Variants in FOXK1 observed in about 807,000 individuals in gnomAD.
FOXK1 encodes the protein forkhead box protein K1.
FOXK1 carries 19 observed loss-of-function variants against 51.9 expected under a neutral mutation model. That is an observed-to-expected ratio of 0.37 (90% CI 0.26 to 0.54). FOXK1 has a LOEUF of 0.54. FOXK1 is among the 20% of genes least tolerant of loss of function. FOXK1 has a pLI of 0.87. For synonymous variants in FOXK1, 537 were observed against 482.6 expected, an observed-to-expected ratio of 1.11 and a Z score of -1.48; for missense variants, 870 against 1,032.7, an observed-to-expected ratio of 0.84 and a Z score of 2.16.
intron 3 of FOXK1, 69 bp downstream of exon 3, chr7:4,754,684 C>T (rs1472476113): frequency 1.3e-5 from 20 of 1,526,288 alleles, no homozygotes; most frequent in East Asian, 2.4e-5. Context: ...CCGGCGCGGG[C>T]GGCACAGACA....
intron 7 of FOXK1, among the ~76,000 whole-genome samples, chr7:4,760,349 G>A (rs975856865): frequency 6.6e-6 from 1 of 152,172 alleles, no homozygotes; most frequent in African/African-American, 2.4e-5. Flanking sequence ...CTCCTCTCCG[G>A]AACGCCTGCA....
rs750705800 is a variant in FOXK1, at chr7:4,740,961, C to G, written c.684C>G (p.His228Gln). 1.3e-6 allele frequency: 2 copies of G among 1,567,420 alleles called. No individual in the cohort carries two copies. The highest frequency in any genetic ancestry group is 1.7e-6 in the Non-Finnish European group (2 of 1,160,914). Reference sequence around the variant, plus strand: ...CCCAGATCTCCCCTCTGAAGATCCACATCCCGGAGCCGGACCTCCGGAGCA... The same window carrying G: ...CCCAGATCTCCCCTCTGAAGATCCAGATCCCGGAGCCGGACCTCCGGAGCA... The part of the protein sequence containing the change: ...LYPQISPLKI[H>Q]IPEPDLRSMV... Residue 228 changes from histidine to glutamine, a missense_variant, in exon 2 of 9, where the codon CAC (histidine) becomes CAG (glutamine). Around this residue, in one of 3 missense-constraint regions of FOXK1, gnomAD observed 399 missense variants for 475.6 expected, o/e 0.84. Transcript: ENST00000328914.
intron 2 of FOXK1, among the ~76,000 whole-genome samples, chr7:4,752,467 C>T (rs76829239): frequency 0.014 from 2,110 of 152,356 alleles, 46 homozygotes; most frequent in African/African-American, 0.049. Flanking sequence ...CTATGATCTT[C>T]TGCAAAATAA....
intron 1 of FOXK1, among the ~76,000 whole-genome samples, chr7:4,738,244 C>T (rs554691786): frequency 1.2e-3 from 178 of 151,760 alleles, no homozygotes; most frequent in Non-Finnish European, 2.3e-3. Flanking sequence ...TGAGACCAGC[C>T]TGGCCAACAT....
At chr7:4,705,094 A>C (rs577182499) in intron 1 of FOXK1, among the ~76,000 whole-genome samples, 80 of 152,264 alleles carry the variant, frequency 5.3e-4, no homozygotes, top group Non-Finnish European at 1.0e-3. Context: ...AGCCTCCCAA[A>C]GTACTGGGAT....
In FOXK1 at chr7:4,757,163, C is replaced by A. The variant is rs141497522; in HGVS notation, c.1220C>A (p.Thr407Asn). ...RRQRGVSCFR[T>N]PFGPLSSRSA... ...CAGAGGGGTGTCTCCTGCTTCCGCA[C>A]CCCCTTCGGGCCTCTGTCCTCAAGG... The change falls in exon 5 of 9, where the codon ACC becomes AAC. Residue 407 changes from threonine to asparagine, a missense_variant. By Grantham distance (65) the Thr-to-Asn change is moderately conservative. Transcript: ENST00000328914. The A allele has an allele frequency of 1.2e-6, 2 of 1,610,906 alleles. No homozygotes were observed. Among genetic ancestry groups the A allele is most frequent in the Non-Finnish European group, 1.7e-6 (2 of 1,179,172 alleles).
Position 4,735,155 on chromosome 7 carries a change from G to C in FOXK1, c.561-5683G>C, listed in dbSNP as rs917211211. ...TCGGGCTCAGCACTGGTGGAGCGGT[G>C]GCCAGTTCCAGCTCGCTGTGTAGAG... On this transcript the variant is annotated intron_variant, in intron 1 of 8. Coordinates refer to ENST00000328914, the MANE Select transcript of FOXK1 (RefSeq NM_001037165.2). This position sits in a 1 kb window ranked among gnomAD's most constrained non-coding sequence, Gnocchi z 4.7. 6.6e-5 allele frequency among the ~76,000 whole-genome samples: 10 copies of C among 152,266 alleles called. No homozygotes were observed. The highest frequency in any genetic ancestry group is 2.4e-4 in the African/African-American group (10 of 41,550).
intron 1 of FOXK1, among the ~76,000 whole-genome samples, chr7:4,726,319 G>A (rs1583197652): frequency 6.6e-6 from 1 of 152,144 alleles, no homozygotes. Context: ...TCACCTTCCT[G>A]GCAGGCCCCT....
In FOXK1 at chr7:4,686,431, T is replaced by TG. The variant is rs776082559; in HGVS notation, c.560+3568dup. Among the ~76,000 whole-genome samples the TG allele has an allele frequency of 3.9e-5, 6 of 151,974 alleles. No homozygotes were observed. The East Asian group carries it at 7.7e-4, about 20-fold the overall frequency. On this transcript the variant is annotated intron_variant, in intron 1 of 8. Coordinates refer to ENST00000328914, the MANE Select transcript of FOXK1 (RefSeq NM_001037165.2). The stretch of plus-strand genomic sequence containing the variant: ...AATCTTCAATATTTTTAATTATTGG[T>TG]GGGGGAAAAAAAAGACTTGTGACCC...
rs767012561 is a variant in FOXK1 at position 4,735,751 on chromosome 7, G to A, written c.561-5087G>A. Among the ~76,000 whole-genome samples the A allele has an allele frequency of 1.3e-5, 2 of 152,202 alleles. No individual in the cohort carries two copies. The highest frequency in any genetic ancestry group is 1.9e-4 in the East Asian group (1 of 5,188). ...TTAAACCACCGTGCAGCACCTTCAC[G>A]ATGCAAAACGTGCTCGTTCAGACTC... On this transcript the variant is annotated intron_variant, in intron 1 of 8. Coordinates refer to ENST00000328914, the MANE Select transcript of FOXK1 (RefSeq NM_001037165.2). This position sits in a 1 kb window ranked among gnomAD's most constrained non-coding sequence, Gnocchi z 4.7.
intron 1 of FOXK1, among the ~76,000 whole-genome samples, chr7:4,719,168 C>T (rs1453976586): frequency 1.3e-5 from 2 of 151,076 alleles, no homozygotes; most frequent in East Asian, 3.9e-4. Flanking sequence ...CAGGGTCTCA[C>T]TCTGTTGCCC....
chr7:4,754,069 T>A (rs1780811758), intron 2 of FOXK1, among the ~76,000 whole-genome samples: 1 of 152,174 alleles, frequency 6.6e-6, no homozygotes. Flanking sequence ...CGCCGCCTTG[T>A]GGACACCTGT....
rs996604132 is a variant in FOXK1, at chr7:4,755,991, A to G, written c.1050+608A>G. Among the ~76,000 whole-genome samples the G allele has an allele frequency of 5.9e-5, 9 of 152,200 alleles. No individual in the cohort carries two copies. Among genetic ancestry groups the G allele is most frequent in the African/African-American group, 2.2e-4 (9 of 41,448 alleles). ...CCATATACTGTTATTCAAACAATCC[A>G]CATGTCTGAATTGTGGATGGCATTT... is the stretch of plus-strand genomic sequence containing the variant. On this transcript the variant is annotated intron_variant, in intron 4 of 8. Coordinates refer to ENST00000328914, the MANE Select transcript of FOXK1 (RefSeq NM_001037165.2). This position sits in a 1 kb window ranked among gnomAD's most constrained non-coding sequence, Gnocchi z 6.6.
At chr7:4,726,576 T>G (rs1780383516) in intron 1 of FOXK1, among the ~76,000 whole-genome samples, 1 of 151,544 alleles carries the variant, frequency 6.6e-6, no homozygotes, top group Non-Finnish European at 1.5e-5. Flanking sequence ...GAGCCAAGAT[T>G]GTGACATTGC....
At chr7:4,724,440 C>T (rs570332309) in intron 1 of FOXK1, among the ~76,000 whole-genome samples, 10 of 152,312 alleles carry the variant, frequency 6.6e-5, no homozygotes, top group African/African-American at 2.4e-4. Context: ...AAGTGATCTG[C>T]GTGCCTTGGC....
rs527281388 is a variant in FOXK1 at position 4,706,033 on chromosome 7, C to T, written c.560+23165C>T. On this transcript the variant is annotated intron_variant, in intron 1 of 8. Transcript: ENST00000328914. ...ATATACGTATATATACGTGTATATA[C>T]GTGTATATACGTGTATATATGTATA... is the stretch of plus-strand genomic sequence containing the variant. 8.2e-3 allele frequency among the ~76,000 whole-genome samples: 745 copies of T among 90,634 alleles called. 81 individuals carry two copies. The highest frequency in any genetic ancestry group is 0.082 in the African/African-American group (698 of 8,560). The allele number at this position is 90,634 out of a possible 152,430, so 59.5% of individuals were successfully genotyped here. A position where few individuals can be genotyped will look rare whatever the true frequency, so the allele number is the denominator to read the frequency against.
intron 1 of FOXK1, among the ~76,000 whole-genome samples, chr7:4,700,892 T>A (rs1358510408): frequency 6.6e-6 from 1 of 152,182 alleles, no homozygotes; most frequent in African/African-American, 2.4e-5. Context: ...CCCACATACA[T>A]GCGTCTGTGC....
In FOXK1 at chr7:4,683,483, C is replaced by G. The variant is rs999040924; in HGVS notation, c.560+615C>G. ...ACAAGCCTGGGCTCGCAGGGCCACT[C>G]CCACCCCAGCTCCACCCAGCTGGGT... On this transcript the variant is annotated intron_variant, in intron 1 of 8. Transcript: ENST00000328914. This position sits in a 1 kb window ranked among gnomAD's most constrained non-coding sequence, Gnocchi z 4.5. Among the ~76,000 whole-genome samples the G allele has an allele frequency of 1.3e-5, 2 of 151,932 alleles. No homozygotes were observed. Among genetic ancestry groups the G allele is most frequent in the Admixed American group, 6.6e-5 (1 of 15,256 alleles).
chr7:4,719,287 A>G (rs1194495647), intron 1 of FOXK1, among the ~76,000 whole-genome samples: 2 of 152,014 alleles, frequency 1.3e-5, no homozygotes, highest in African/African-American at 4.8e-5. Flanking sequence ...AGCGTGCACC[A>G]CTATGCCTGG....
Sources: gnomAD v4.1 joint callset for allele counts (sites outside exome capture counted in the v4.1 genomes callset) on GRCh38, gnomAD v4.1.1 for gene constraint, gnomAD v4.1.1 regional missense constraint, Gnocchi (gnomAD v3.1) non-coding constraint, MANE v1.5 for transcripts, NCBI Gene and HGNC (gene_info 2026-07-23, HGNC 2026-07-21) for gene names.